KCNIP4: variants seen among roughly 807,000 people sequenced by gnomAD.
The protein encoded by KCNIP4 is potassium voltage-gated channel interacting protein 4.
Under a neutral mutation model 34.0 loss-of-function variants are expected in KCNIP4, and 12 were observed. The observed-to-expected ratio is 0.35, with a 90% CI of 0.23 to 0.57. KCNIP4 has a LOEUF of 0.57. Ranked by LOEUF, KCNIP4 falls within the 20% of genes least tolerant of loss-of-function variation. The pLI is 0.83. For missense variants in KCNIP4, 238 were observed against 311.7 expected (o/e 0.76, Z 1.78); for synonymous variants, 124 against 102.2 (o/e 1.21, Z -1.29).
intron 1 of KCNIP4, among the ~76,000 whole-genome samples, chr4:21,182,716 TATC>T (rs547941208): frequency 1.2e-3 from 180 of 152,196 alleles, no homozygotes; most frequent in African/African-American, 4.1e-3. Context: ...TATTCCATAT[TATC>T]TTCTTAAAGT....
intron 1 of KCNIP4, among the ~76,000 whole-genome samples, chr4:21,147,241 G>C (rs187400693): frequency 6.6e-6 from 1 of 151,868 alleles, no homozygotes; most frequent in Non-Finnish European, 1.5e-5. Flanking sequence ...CTATCTACCC[G>C]ATGCCCCCAC....
At chr4:20,926,697 G>T (rs1729928799) in intron 1 of KCNIP4, among the ~76,000 whole-genome samples, 1 of 152,114 alleles carries the variant, frequency 6.6e-6, no homozygotes, top group African/African-American at 2.4e-5. Context: ...GCACACTTGT[G>T]GGGCACTGGA....
At chr4:20,782,591 T>C (rs1441900623) in intron 3 of KCNIP4, among the ~76,000 whole-genome samples, 1 of 152,136 alleles carries the variant, frequency 6.6e-6, no homozygotes, top group Non-Finnish European at 1.5e-5. Flanking sequence ...ACATTGGCCC[T>C]TTCAGCCACA....
chr4:21,381,623 A>G (rs1721513984), intron 1 of KCNIP4, among the ~76,000 whole-genome samples: 2 of 152,304 alleles, frequency 1.3e-5, no homozygotes, highest in Admixed American at 6.5e-5. Context: ...AATTCACTAT[A>G]TTGATTTATT....
At chr4:21,876,684 CAGA>C (rs1457459343) in intron 1 of KCNIP4, among the ~76,000 whole-genome samples, 207 of 152,168 alleles carry the variant, frequency 1.4e-3, no homozygotes, top group African/African-American at 4.7e-3. Flanking sequence ...TCTTTGAAAA[CAGA>C]ATGTGCTGAA....
chr4:20,975,395 C>A (rs1247776313), intron 1 of KCNIP4, among the ~76,000 whole-genome samples: 4 of 152,108 alleles, frequency 2.6e-5, no homozygotes, highest in African/African-American at 9.7e-5. Context: ...TTATCAACTT[C>A]TCTAAGAGAC....
At chr4:21,034,246 C>G (rs1167483175) in intron 1 of KCNIP4, among the ~76,000 whole-genome samples, 2 of 152,058 alleles carry the variant, frequency 1.3e-5, no homozygotes, top group Non-Finnish European at 2.9e-5. Flanking sequence ...GAGAACAGAG[C>G]CAAAGTGAAT....
At chr4:21,712,141 C>T (rs1012732835) in intron 1 of KCNIP4, among the ~76,000 whole-genome samples, 9 of 150,626 alleles carry the variant, frequency 6.0e-5, no homozygotes, top group African/African-American at 1.2e-4. Flanking sequence ...GTATTCAAAA[C>T]AAAACACAAC....
chr4:21,510,055 G>A (rs1337205955), intron 1 of KCNIP4, among the ~76,000 whole-genome samples: 1 of 128,832 alleles, frequency 7.8e-6, no homozygotes, highest in African/African-American at 3.3e-5. Context: ...CCCACTTGGG[G>A]CACAAGAGCA....
chr4:21,825,970 C>T (rs954537058), intron 1 of KCNIP4, among the ~76,000 whole-genome samples: 1 of 152,118 alleles, frequency 6.6e-6, no homozygotes. Flanking sequence ...CGGTCATGCA[C>T]ATTTTGAAGA....
At chr4:21,868,919 C>G (rs2109362474) in intron 1 of KCNIP4, among the ~76,000 whole-genome samples, 1 of 152,282 alleles carries the variant, frequency 6.6e-6, no homozygotes, top group African/African-American at 2.4e-5. Flanking sequence ...ATAAAATAGG[C>G]TGACGGCAAC....
At chr4:21,441,215 C>T (rs910001797) in intron 1 of KCNIP4, among the ~76,000 whole-genome samples, 64 of 150,774 alleles carry the variant, frequency 4.2e-4, no homozygotes, top group Non-Finnish European at 7.4e-4. Context: ...GATCTCGGCT[C>T]ACTGCAAGCT....
intron 1 of KCNIP4, among the ~76,000 whole-genome samples, chr4:21,917,487 G>T (rs772598094): frequency 6.6e-6 from 1 of 151,982 alleles, no homozygotes; most frequent in South Asian, 2.1e-4. Context: ...ACACAGATAC[G>T]CCCCAAACCA....
At chr4:21,100,954 T>C (rs375401895) in intron 1 of KCNIP4, among the ~76,000 whole-genome samples, 2 of 152,202 alleles carry the variant, frequency 1.3e-5, no homozygotes, top group African/African-American at 2.4e-5. Flanking sequence ...TTTATTGATT[T>C]ATCACCTAAA....
chr4:20,849,800 A>G (rs1185885532), intron 3 of KCNIP4, among the ~76,000 whole-genome samples: 1 of 152,246 alleles, frequency 6.6e-6, no homozygotes, highest in African/African-American at 2.4e-5. Context: ...GATTCATGAC[A>G]GCAAGTTTTC....
chr4:20,852,982 A>C (rs1451077579), intron 2 of KCNIP4, among the ~76,000 whole-genome samples: 1 of 152,238 alleles, frequency 6.6e-6, no homozygotes, highest in African/African-American at 2.4e-5. Context: ...AAGTGACACA[A>C]ACAAATGGAA....
chr4:21,543,210 T>C (rs1737850012), intron 1 of KCNIP4, among the ~76,000 whole-genome samples: 2 of 152,042 alleles, frequency 1.3e-5, no homozygotes, highest in South Asian at 4.1e-4. Flanking sequence ...ATACTAAAAG[T>C]AGTGCAAAAT....
In KCNIP4 at chr4:21,511,634, C is replaced by T. The variant is rs941279898; in HGVS notation, c.61+436937G>A. On this transcript the variant is annotated intron_variant, in intron 1 of 8. Transcript: ENST00000382152. Reference sequence around the variant, plus strand: ...CATCTTCAACTGAAGATGGCAATAACGCTCCTTGTAAGTAGGACAACGGGA... The same window carrying T: ...CATCTTCAACTGAAGATGGCAATAATGCTCCTTGTAAGTAGGACAACGGGA... Among the ~76,000 whole-genome samples the T allele has an allele frequency of 5.3e-5, 8 of 152,088 alleles. No homozygotes were observed. In the South Asian group the frequency reaches 6.2e-4, roughly 12 times the overall value.
At chr4:21,761,928 C>G (rs1718086607) in intron 1 of KCNIP4, among the ~76,000 whole-genome samples, 5 of 151,928 alleles carry the variant, frequency 3.3e-5, no homozygotes, top group African/African-American at 1.2e-4. Flanking sequence ...GGTGGCTATA[C>G]AAATATCATG....
Sources: gnomAD v4.1 joint callset for allele counts (sites outside exome capture counted in the v4.1 genomes callset) on GRCh38, gnomAD v4.1.1 for gene constraint, MANE v1.5 for transcripts, NCBI Gene and HGNC (gene_info 2026-07-23, HGNC 2026-07-21) for gene names.